PCDHA13: variants seen among roughly 807,000 people sequenced by gnomAD.
The protein encoded by PCDHA13 is protocadherin alpha-13.
PCDHA13 carries 54 observed loss-of-function variants against 64.8 expected under a neutral mutation model. That is an observed-to-expected ratio of 0.83 (90% CI 0.67 to 1.04). PCDHA13 has a LOEUF of 1.04. Among genes scored for constraint, PCDHA13 ranks in the 50% least tolerant of loss-of-function variants. PCDHA13 has a pLI of 0.00. For missense variants in PCDHA13, 1,248 were observed against 1,254.3 expected (o/e 0.99, Z 0.08); for synonymous variants, 587 against 564.4 (o/e 1.04, Z -0.57).
At chr5:140,939,335 T>A (rs1195092720) in intron 1 of PCDHA13, among the ~76,000 whole-genome samples, 2 of 152,080 alleles carry the variant, frequency 1.3e-5, no homozygotes, top group Non-Finnish European at 2.9e-5. Context: ...ATCTTAGGGG[T>A]TAGCATTTCA....
chr5:140,926,857 T>C (rs782114974), intron 1 of PCDHA13: 12 of 1,520,736 alleles, frequency 7.9e-6, no homozygotes, highest in Admixed American at 2.2e-5. Context: ...ACCGTTGGTG[T>C]AGCGTGTTGG....
intron 1 of PCDHA13, chr5:140,967,835 G>T: frequency 6.2e-7 from 1 of 1,614,142 alleles, no homozygotes; most frequent in Non-Finnish European, 8.5e-7. Flanking sequence ...GGACATCGTG[G>T]ACGTGAATGA....
chr5:141,006,275 G>A (rs782763386), intron 3 of PCDHA13, among the ~76,000 whole-genome samples: 1 of 151,772 alleles, frequency 6.6e-6, no homozygotes. Flanking sequence ...GCAGTGGCAC[G>A]ATCTCAGCTC....
At chr5:140,885,274 AT>A (rs2153409165) in intron 1 of PCDHA13, among the ~76,000 whole-genome samples, 1 of 152,248 alleles carries the variant, frequency 6.6e-6, no homozygotes, top group South Asian at 2.1e-4. Context: ...ATACATATAT[AT>A]ATACATATAT....
At chr5:140,931,269 C>T (rs1253190149) in intron 1 of PCDHA13, among the ~76,000 whole-genome samples, 1 of 152,006 alleles carries the variant, frequency 6.6e-6, no homozygotes, top group Non-Finnish European at 1.5e-5. Context: ...CTATTTATTT[C>T]TTTTATTTTC....
intron 1 of PCDHA13, among the ~76,000 whole-genome samples, chr5:140,977,388 T>C (rs1187960215): frequency 6.6e-6 from 1 of 152,248 alleles, no homozygotes; most frequent in East Asian, 1.9e-4. Flanking sequence ...TCCAGGTTTA[T>C]AAAATGATTT....
At chr5:140,915,683 G>A (rs1052949485) in intron 1 of PCDHA13, among the ~76,000 whole-genome samples, 1 of 150,776 alleles carries the variant, frequency 6.6e-6, no homozygotes, top group African/African-American at 2.4e-5. Context: ...TTGAACTAGG[G>A]GTATGGTGAT....
chr5:140,900,095 C>G (rs1299633318), intron 1 of PCDHA13, among the ~76,000 whole-genome samples: 1 of 152,160 alleles, frequency 6.6e-6, no homozygotes, highest in Non-Finnish European at 1.5e-5. Flanking sequence ...CAAGCATGCG[C>G]CACCATACCT....
chr5:140,979,797 C>T (rs1253949980), intron 2 of PCDHA13, among the ~76,000 whole-genome samples: 1 of 152,154 alleles, frequency 6.6e-6, no homozygotes, highest in African/African-American at 2.4e-5. Flanking sequence ...AACAAATGAT[C>T]ACAACTATCA....
chr5:140,891,148 A>C (rs913917156), intron 1 of PCDHA13, among the ~76,000 whole-genome samples: 2 of 151,726 alleles, frequency 1.3e-5, no homozygotes, highest in Non-Finnish European at 2.9e-5. Flanking sequence ...TATTCTGTTT[A>C]TTTTCCTTTG....
In PCDHA13 at chr5:140,883,561, C is replaced by T; in HGVS notation, c.1293C>T (p.Gly431=). 2 of 1,614,156 alleles carry T rather than the reference C, an allele frequency of 1.2e-6. No individual in the cohort carries two copies. The highest frequency in any genetic ancestry group is 1.7e-6 in the Non-Finnish European group (2 of 1,180,024). The change falls in exon 1 of 4, where the codon GGC becomes GGT. Residue 431 remains glycine (G), a synonymous_variant. Transcript: ENST00000289272. ...TGGTGGTGACCGCGCGGGACGGGGG[C>T]TCGCCTTCGCTGTGGGCCACGGCCA... ...YELVVTARDG[G]SPSLWATASV...
At chr5:140,923,343 T>G (rs1251719779) in intron 1 of PCDHA13, among the ~76,000 whole-genome samples, 1 of 152,122 alleles carries the variant, frequency 6.6e-6, no homozygotes, top group African/African-American at 2.4e-5. Flanking sequence ...TTGGGCAACA[T>G]AGTGGGACCC....
At chr5:140,993,225 T>C (rs1036685362) in intron 3 of PCDHA13, among the ~76,000 whole-genome samples, 2 of 152,206 alleles carry the variant, frequency 1.3e-5, no homozygotes, top group Admixed American at 6.5e-5. Context: ...TTTTGGTATG[T>C]TCTCTCTGAA....
chr5:140,968,511 C>T, intron 1 of PCDHA13: 2 of 1,614,198 alleles, frequency 1.2e-6, no homozygotes, highest in Non-Finnish European at 1.7e-6. Context: ...ATTCTGTACC[C>T]TACCTCAACC....
intron 1 of PCDHA13, among the ~76,000 whole-genome samples, chr5:140,937,724 AAC>A (rs2091708035): frequency 6.6e-6 from 1 of 152,064 alleles, no homozygotes; most frequent in Non-Finnish European, 1.5e-5. Flanking sequence ...CATCCTGGCT[AAC>A]ACGGTGAAAC....
intron 1 of PCDHA13, among the ~76,000 whole-genome samples, chr5:140,891,445 G>T (rs1036846382): frequency 6.7e-6 from 1 of 148,520 alleles, no homozygotes; most frequent in Non-Finnish European, 1.5e-5. Context: ...CCATTGTATA[G>T]GATTTTTGAA....
At chr5:140,886,361 G>A (rs374709389) in intron 1 of PCDHA13, among the ~76,000 whole-genome samples, 1 of 151,992 alleles carries the variant, frequency 6.6e-6, no homozygotes, top group African/African-American at 2.4e-5. Context: ...TTACATAGGT[G>A]TACATGCCAT....
chr5:140,987,106 C>T (rs113308102), intron 3 of PCDHA13, among the ~76,000 whole-genome samples: 4,830 of 151,440 alleles, frequency 0.032, 263 homozygotes, highest in African/African-American at 0.11. Context: ...CCCAGCTACT[C>T]GGGAGGCTGA....
intron 1 of PCDHA13, among the ~76,000 whole-genome samples, chr5:140,918,303 G>C (rs2078625601): frequency 6.6e-6 from 1 of 152,112 alleles, no homozygotes; most frequent in Non-Finnish European, 1.5e-5. Flanking sequence ...AGAATATAGG[G>C]TTTTCTAGGT....
Sources: allele counts gnomAD v4.1 joint callset (sites outside exome capture counted in the v4.1 genomes callset), GRCh38; gene constraint gnomAD v4.1.1; transcripts MANE v1.5; gene names NCBI Gene and HGNC (gene_info 2026-07-23, HGNC 2026-07-21).